Variants in NTRK2 observed in about 807,000 individuals in gnomAD.
The protein encoded by NTRK2 is neurotrophic receptor tyrosine kinase 2.
NTRK2 carries 13 observed loss-of-function variants against 94.5 expected under a neutral mutation model. That is an observed-to-expected ratio of 0.14 (90% CI 0.09 to 0.22). The LOEUF (loss-of-function observed/expected upper bound fraction) is 0.22, where lower values mean the gene tolerates loss of function less well. Among genes scored for constraint, NTRK2 ranks in the 10% least tolerant of loss-of-function variants. The probability of loss-of-function intolerance (pLI) is 1.00; values close to 1 mark genes in which losing one functional copy is unlikely to be tolerated. For synonymous variants in NTRK2, 372 were observed against 407.4 expected, an observed-to-expected ratio of 0.91 and a Z score of 1.05; for missense variants, 639 against 1,071.2, an observed-to-expected ratio of 0.60 and a Z score of 5.63.
intron 12 of NTRK2, among the ~76,000 whole-genome samples, chr9:84,752,701 G>A (rs1195847590): frequency 4.6e-5 from 7 of 152,040 alleles, no homozygotes; most frequent in Non-Finnish European, 1.5e-5. Context: ...TTTAGAGGAT[G>A]GAAAATTAAT....
intron 12 of NTRK2, chr9:84,812,711 G>A: frequency 1.9e-6 from 2 of 1,042,162 alleles, no homozygotes; most frequent in Non-Finnish European, 2.3e-6. Flanking sequence ...TGGAGCCATA[G>A]AAAGGCTATG....
intron 17 of NTRK2, among the ~76,000 whole-genome samples, chr9:85,000,530 G>A (rs935209191): frequency 6.6e-6 from 1 of 152,070 alleles, no homozygotes; most frequent in Non-Finnish European, 1.5e-5. Flanking sequence ...AGCCTTTTCA[G>A]GTTGGCTTCT....
intron 12 of NTRK2, among the ~76,000 whole-genome samples, chr9:84,829,386 T>C (rs2073391427): frequency 6.6e-6 from 1 of 152,218 alleles, no homozygotes; most frequent in Admixed American, 6.5e-5. Context: ...TGTTTTTTGT[T>C]CTTTTTTAAG....
chr9:84,929,538 G>A (rs2077947263), intron 14 of NTRK2, among the ~76,000 whole-genome samples: 1 of 150,896 alleles, frequency 6.6e-6, no homozygotes, highest in Non-Finnish European at 1.5e-5. Context: ...AATCTAGGAA[G>A]TCATTCATGG....
At chr9:84,995,363 G>GT (rs1240062742) in intron 17 of NTRK2, among the ~76,000 whole-genome samples, 1 of 152,028 alleles carries the variant, frequency 6.6e-6, no homozygotes, top group East Asian at 1.9e-4. Flanking sequence ...CCTTGGTGGG[G>GT]TTTTTTTGGT....
intron 12 of NTRK2, among the ~76,000 whole-genome samples, chr9:84,827,190 A>G (rs1271522411): frequency 7.2e-5 from 11 of 152,222 alleles, no homozygotes; most frequent in Admixed American, 5.2e-4. Flanking sequence ...TGTCTTAACT[A>G]AAGAAAAAAA....
At chr9:84,742,801 T>G (rs1182891059) in intron 10 of NTRK2, among the ~76,000 whole-genome samples, 1 of 135,426 alleles carries the variant, frequency 7.4e-6, no homozygotes, top group Non-Finnish European at 1.5e-5. Context: ...TTTTTTTTTT[T>G]TTTTTTTTTT....
chr9:84,934,969 T>C (rs2078166473), intron 15 of NTRK2, among the ~76,000 whole-genome samples: 1 of 152,218 alleles, frequency 6.6e-6, no homozygotes, highest in Non-Finnish European at 1.5e-5. Context: ...TTGAAGGGGA[T>C]ACAATTTCCA....
At chr9:84,989,817 G>A (rs1828818835) in intron 17 of NTRK2, among the ~76,000 whole-genome samples, 1 of 152,088 alleles carries the variant, frequency 6.6e-6, no homozygotes, top group Admixed American at 6.5e-5. Context: ...TTTTCTTTCT[G>A]AATAATGTGT....
At chr9:84,750,476 C>T (rs1002680595) in intron 11 of NTRK2, among the ~76,000 whole-genome samples, 2 of 152,158 alleles carry the variant, frequency 1.3e-5, no homozygotes, top group African/African-American at 4.8e-5. Flanking sequence ...TAATAATATC[C>T]ATCTTAAAAA....
chr9:84,934,710 T>C (rs1044518764), intron 15 of NTRK2, among the ~76,000 whole-genome samples: 2 of 152,158 alleles, frequency 1.3e-5, no homozygotes, highest in Non-Finnish European at 2.9e-5. Context: ...GATTGTGGAC[T>C]TCACTTCCCC....
intron 2 of NTRK2, among the ~76,000 whole-genome samples, chr9:84,687,062 A>G (rs1240870635): frequency 6.6e-6 from 1 of 152,174 alleles, no homozygotes; most frequent in Non-Finnish European, 1.5e-5. Flanking sequence ...ATGAATGGGA[A>G]TTATGTATTT....
chr9:84,896,331 G>A (rs943725982), intron 14 of NTRK2, among the ~76,000 whole-genome samples: 1 of 152,206 alleles, frequency 6.6e-6, no homozygotes. Context: ...GCCCACTGCT[G>A]TATCTTTGAT....
rs554023921 is a variant in NTRK2, at chr9:85,024,418, A to G, written c.*2981A>G. ...CAAACCTGGTCTGACAATCATTTCC[A>G]TTTAGAAGTCATTGAATAGTTTTCC... On this transcript the variant is annotated 3_prime_UTR_variant, in exon 19 of 19. Coordinates refer to ENST00000277120, the MANE Select transcript of NTRK2 (RefSeq NM_006180.6). 3.0e-5 allele frequency: 7 copies of G among 233,010 alleles called. No homozygotes were observed. Among genetic ancestry groups the G allele is most frequent in the African/African-American group, 1.3e-4 (6 of 45,452 alleles). 14.4% of individuals were successfully genotyped at this position (233,010 alleles called of 1,614,324 possible).
At chr9:84,972,636 G>A (rs1022782533) in intron 17 of NTRK2, among the ~76,000 whole-genome samples, 2 of 152,084 alleles carry the variant, frequency 1.3e-5, no homozygotes, top group African/African-American at 4.8e-5. Flanking sequence ...GTGTTTTTGG[G>A]GTTTAGCTTT....
intron 12 of NTRK2, among the ~76,000 whole-genome samples, chr9:84,817,238 C>T (rs780248208): frequency 6.6e-5 from 10 of 152,156 alleles, no homozygotes; most frequent in Non-Finnish European, 1.2e-4. Context: ...CAAACCCACT[C>T]GCATATCTTG....
chr9:84,888,692 G>A (rs1279303677), intron 14 of NTRK2, among the ~76,000 whole-genome samples: 2 of 126,160 alleles, frequency 1.6e-5, no homozygotes, highest in African/African-American at 6.1e-5. Flanking sequence ...TGCCCTCAAA[G>A]CCACCCCAGG....
chr9:84,675,771 C>T (rs1462070247), intron 2 of NTRK2, among the ~76,000 whole-genome samples: 1 of 152,160 alleles, frequency 6.6e-6, no homozygotes, highest in Non-Finnish European at 1.5e-5. Flanking sequence ...ACAAATCCCA[C>T]CTCAAGCCTC....
chr9:84,802,136 G>A (rs2070539907), intron 12 of NTRK2, among the ~76,000 whole-genome samples: 1 of 152,106 alleles, frequency 6.6e-6, no homozygotes, highest in Admixed American at 6.5e-5. Context: ...GATGTTTTGG[G>A]TACATTAAAT....
Sources: allele counts gnomAD v4.1 joint callset (sites outside exome capture counted in the v4.1 genomes callset), GRCh38; gene constraint gnomAD v4.1.1; transcripts MANE v1.5; gene names NCBI Gene and HGNC (gene_info 2026-07-23, HGNC 2026-07-21).